The following FAM167A variants were observed in gnomAD, a reference collection of about 807,000 sequenced individuals.
FAM167A encodes the protein family with sequence similarity 167 member A.
Under a neutral mutation model 14.9 loss-of-function variants are expected in FAM167A, and 23 were observed. The observed-to-expected ratio is 1.55, with a 90% CI of 1.11 to 2.19. The LOEUF (loss-of-function observed/expected upper bound fraction) is 2.19. FAM167A is among the 30% of genes most tolerant of loss of function. The probability of loss-of-function intolerance (pLI) is 0.00; values close to 1 mark genes in which losing one functional copy is unlikely to be tolerated. For synonymous variants in FAM167A, 174 were observed against 117.7 expected (o/e 1.48, Z -3.10); for missense variants, 401 against 281.5 (o/e 1.42, Z -3.04).
chr8:11,438,287 A>T, intron 2 of FAM167A: 1 of 401,854 alleles, frequency 2.5e-6, no homozygotes, highest in South Asian at 1.9e-5. Flanking sequence ...GAGAGCAGGC[A>T]GGACCTCCCG....
At chr8:11,462,574 T>C (rs1337929894) in intron 1 of FAM167A, among the ~76,000 whole-genome samples, 1 of 151,936 alleles carries the variant, frequency 6.6e-6, no homozygotes. Flanking sequence ...CTCAGGACTC[T>C]ACTGCATCAG....
intron 2 of FAM167A, among the ~76,000 whole-genome samples, chr8:11,433,358 C>T (rs1805753208): frequency 6.6e-6 from 1 of 152,076 alleles, no homozygotes; most frequent in Admixed American, 6.5e-5. Context: ...CTCCCCTTTC[C>T]AACAAAAGTC....
At chr8:11,458,117 A>G (rs1350821646) in intron 1 of FAM167A, among the ~76,000 whole-genome samples, 1 of 151,680 alleles carries the variant, frequency 6.6e-6, no homozygotes, top group African/African-American at 2.4e-5. Context: ...AAGACTTTCA[A>G]AGTCAGAATG....
chr8:11,433,006 T>G (rs1479379942), intron 2 of FAM167A, among the ~76,000 whole-genome samples: 2 of 151,518 alleles, frequency 1.3e-5, no homozygotes, highest in African/African-American at 2.4e-5. Flanking sequence ...TAAGTAGGAG[T>G]TGAACAATGA....
At chr8:11,473,125 C>A (rs1646764022) in intron 1 of FAM167A, among the ~76,000 whole-genome samples, 1 of 152,206 alleles carries the variant, frequency 6.6e-6, no homozygotes, top group African/African-American at 2.4e-5. Context: ...CTTATGGAAG[C>A]CAGGACAGGG....
intron 1 of FAM167A, chr8:11,445,182 C>T: frequency 2.0e-6 from 2 of 985,126 alleles, no homozygotes; most frequent in Non-Finnish European, 2.4e-6. Context: ...GGGACAAGCT[C>T]AGGCTGTCTG....
chr8:11,431,584 C>G (rs1464536191), intron 2 of FAM167A, among the ~76,000 whole-genome samples: 3 of 152,186 alleles, frequency 2.0e-5, no homozygotes, highest in African/African-American at 7.2e-5. Context: ...AAATTTAGAG[C>G]AATCAGTTCA....
chr8:11,443,210 G>C (rs1314344637), intron 2 of FAM167A, among the ~76,000 whole-genome samples: 1 of 152,188 alleles, frequency 6.6e-6, no homozygotes, highest in Non-Finnish European at 1.5e-5. Flanking sequence ...GCCAGACACG[G>C]GTGATTCTCC....
chr8:11,461,538 C>T (rs536726377), intron 1 of FAM167A, among the ~76,000 whole-genome samples: 2 of 152,192 alleles, frequency 1.3e-5, no homozygotes, highest in African/African-American at 4.8e-5. Context: ...CAGGCCGGTA[C>T]CCTGGCTATA....
At chr8:11,467,603 T>C (rs1807824184), upstream of FAM167A, 1 of 152,388 alleles carries the variant, frequency 6.6e-6, no homozygotes, top group African/African-American at 2.4e-5. Context: ...ACGATAGCCC[T>C]GGGCGTGCGC....
chr8:11,422,629 TAA>T lies in FAM167A; in HGVS notation c.*1742_*1743del, dbSNP rs1460563583. 6.6e-6 allele frequency: 1 copy of T among 152,352 alleles called. No homozygotes were observed. Among genetic ancestry groups the T allele is most frequent in the East Asian group, 1.9e-4 (1 of 5,200 alleles). The allele number at this position is 152,352 out of a possible 1,614,324, so 9.4% of individuals were successfully genotyped here. A position where few individuals can be genotyped will look rare whatever the true frequency, so the allele number is the denominator to read the frequency against. ...TAGAACTTCTGGCTCTTTGAAATTTTAAAAAAGAGACCAAGTTCTTTTCTGTC... is the reference window on the plus strand; with the variant it reads ...TAGAACTTCTGGCTCTTTGAAATTTTAAAAGAGACCAAGTTCTTTTCTGTC... On this transcript the variant is annotated 3_prime_UTR_variant, in exon 3 of 3. Transcript: ENST00000284486.
At chr8:11,470,567 T>C (rs781023603), upstream of FAM167A, among the ~76,000 whole-genome samples, 4 of 152,208 alleles carry the variant, frequency 2.6e-5, no homozygotes, top group Non-Finnish European at 5.9e-5. Flanking sequence ...GACTCTGCTC[T>C]CTTGTCACTC....
Position 11,424,551 on chromosome 8 carries a change from GT to G in FAM167A, c.466del (p.Thr156ProfsTer46), listed in dbSNP as rs763106621. On this transcript the variant is annotated frameshift_variant, in exon 3 of 3. Transcript: ENST00000284486. LOFTEE classifies it high-confidence loss of function. ...GDINKLKIEHTCRLHRRMLND... is the reference protein window; with the variant it reads ...GDINKLKIEHXCRLHRRMLND... Reference sequence around the variant, plus strand: ...GAGCATCCTCCTGTGGAGGCGGCAGGTGTGTTCGATTTTCAGCTTGTTGATG... The same window carrying G: ...GAGCATCCTCCTGTGGAGGCGGCAGGGTGTTCGATTTTCAGCTTGTTGATG... The G allele has an allele frequency of 1.2e-5, 20 of 1,613,980 alleles. No individual in the cohort carries two copies. Among genetic ancestry groups the G allele is most frequent in the Non-Finnish European group, 1.7e-5 (20 of 1,179,940 alleles).
At chr8:11,454,719 G>A (rs372970601) in intron 1 of FAM167A, among the ~76,000 whole-genome samples, 5 of 152,308 alleles carry the variant, frequency 3.3e-5, no homozygotes, top group Admixed American at 2.0e-4. Context: ...CTCCACAGTC[G>A]GCCTAGGGAG....
chr8:11,443,217 C>A (rs1174233358), intron 2 of FAM167A, among the ~76,000 whole-genome samples: 1 of 152,192 alleles, frequency 6.6e-6, no homozygotes, highest in Non-Finnish European at 1.5e-5. Flanking sequence ...ACGGGTGATT[C>A]TCCCCTGGGG....
At chr8:11,445,689 G>A in intron 1 of FAM167A, 1 of 891,666 alleles carries the variant, frequency 1.1e-6, no homozygotes, top group Non-Finnish European at 1.3e-6. Context: ...CTAACTCCCA[G>A]TAAGAAGAGA....
intron 2 of FAM167A, among the ~76,000 whole-genome samples, chr8:11,443,238 G>A (rs1265596085): frequency 6.6e-6 from 1 of 152,174 alleles, no homozygotes; most frequent in Admixed American, 6.5e-5. Context: ...GGGTGGAAGG[G>A]GACAGGGCAC....
chr8:11,437,966 A>AACTT, intron 2 of FAM167A: 1 of 315,146 alleles, frequency 3.2e-6, no homozygotes, highest in Non-Finnish European at 6.3e-6. Flanking sequence ...CTCAGAACTC[A>AACTT]ACTTACTGCA....
chr8:11,424,852 T>G lies in FAM167A; in HGVS notation c.382-216A>C, dbSNP rs950336785. Among the ~76,000 whole-genome samples the G allele has an allele frequency of 1.4e-4, 21 of 152,220 alleles. 1 individual carries two copies. The highest frequency in any genetic ancestry group is 1.4e-3 in the Admixed American group (21 of 15,284). On this transcript the variant is annotated intron_variant, in intron 2 of 2. Transcript: ENST00000284486. ...AAACAATACTTTGTGCTAGGCTAGT[T>G]GCTGTATCTAAGTCCTTCTGAAAGA...
Sources: gnomAD v4.1 joint callset for allele counts (sites outside exome capture counted in the v4.1 genomes callset) on GRCh38, gnomAD v4.1.1 for gene constraint, MANE v1.5 for transcripts, NCBI Gene and HGNC (gene_info 2026-07-23, HGNC 2026-07-21) for gene names.